ARHGEF28: variants seen among roughly 807,000 people sequenced by gnomAD.
ARHGEF28 encodes the protein Rho guanine nucleotide exchange factor 28, also known as 190 kDa guanine nucleotide exchange factor.
A neutral mutation model predicts 206.6 loss-of-function variants in ARHGEF28; 152 were observed. The ratio of observed to expected loss-of-function variants is 0.74; its 90% confidence interval spans 0.64 to 0.84. ARHGEF28 has a LOEUF of 0.84. ARHGEF28 is among the 40% of genes least tolerant of loss of function. The pLI is 0.00. For missense variants in ARHGEF28, 2,028 were observed against 2,073.2 expected (o/e 0.98, Z 0.42); for synonymous variants, 763 against 776.4 (o/e 0.98, Z 0.29).
rs1291620501 is a variant in ARHGEF28 at position 73,885,888 on chromosome 5, T to A, written c.3094T>A (p.Cys1032Ser). Residue 1032 changes from cysteine (C) to serine (S), a missense_variant, in exon 25 of 36, where the codon TGC becomes AGC. This residue lies in a region of ARHGEF28 where 223 missense variants were observed against 289.9 expected (regional missense o/e 0.77). Transcript: ENST00000513042. Reference protein sequence around the residue: ...EEHKDLRKALCLIKDMIATVD... With the variant: ...EEHKDLRKALSLIKDMIATVD... ...ACATAAAGACTTACGCAAAGCGCTT[T>A]GCTTAATTAAAGACATGATTGCAAC... 1 of 1,613,534 alleles carries A rather than the reference T, an allele frequency of 6.2e-7. No homozygotes were observed.
At position 73,852,754 on chromosome 5, in the gene ARHGEF28, A is replaced by G. The variant is rs959814076; in HGVS notation, c.1790+62A>G. 9 of 1,550,058 alleles carry G rather than the reference A, an allele frequency of 5.8e-6. No homozygotes were observed. The East Asian group carries it at 9.0e-5, about 15-fold the overall frequency. ...ATGATCCTTCTTTGGAAATGTCCACACATCATTTTTGCTATCTGTTCACTA... is the reference window on the plus strand; with the variant it reads ...ATGATCCTTCTTTGGAAATGTCCACGCATCATTTTTGCTATCTGTTCACTA... On this transcript the variant is annotated intron_variant, in intron 14 of 35. Transcript: ENST00000513042.
intron 22 of ARHGEF28, among the ~76,000 whole-genome samples, chr5:73,880,096 C>A (rs4469184): frequency 6.6e-6 from 1 of 152,052 alleles, no homozygotes; most frequent in Non-Finnish European, 1.5e-5. Flanking sequence ...GGAGCTTCCC[C>A]GCTGCTTTGT....
intron 2 of ARHGEF28, among the ~76,000 whole-genome samples, chr5:73,717,004 A>G (rs1373268712): frequency 6.6e-6 from 1 of 152,100 alleles, no homozygotes; most frequent in Non-Finnish European, 1.5e-5. Context: ...AATATCCTTG[A>G]AATGTATTCT....
chr5:73,684,645 A>G (rs2112248549), intron 1 of ARHGEF28, among the ~76,000 whole-genome samples, 196 bp from the exon 2 acceptor site: 1 of 152,316 alleles, frequency 6.6e-6, no homozygotes, highest in African/African-American at 2.4e-5. Context: ...TTGAGGGGCC[A>G]TCATATTGTG....
At chr5:73,783,386 ATG>A (rs370021440) in intron 7 of ARHGEF28, among the ~76,000 whole-genome samples, 5 of 38,760 alleles carry the variant, frequency 1.3e-4, no homozygotes, top group Non-Finnish European at 2.8e-4. Flanking sequence ...GTGTGTGTGT[ATG>A]TGTGTGTGTG....
intron 2 of ARHGEF28, among the ~76,000 whole-genome samples, chr5:73,704,468 A>T (rs1327276859): frequency 6.6e-6 from 1 of 152,134 alleles, no homozygotes; most frequent in Non-Finnish European, 1.5e-5. Flanking sequence ...TCTGTCACCC[A>T]GGCTGGAGTG....
intron 9 of ARHGEF28, among the ~76,000 whole-genome samples, chr5:73,811,553 C>T (rs534119238): frequency 1.0e-3 from 154 of 152,308 alleles, no homozygotes; most frequent in African/African-American, 3.4e-3. Context: ...TGTAAATGCT[C>T]TTCCACAAGA....
intron 35 of ARHGEF28, among the ~76,000 whole-genome samples, chr5:73,914,742 G>A (rs1763111329): frequency 6.6e-6 from 1 of 150,552 alleles, no homozygotes; most frequent in South Asian, 2.1e-4. Context: ...TACTTTTTTT[G>A]AGATTGAGAG....
chr5:73,888,120 C>T (rs1761412763), intron 26 of ARHGEF28, among the ~76,000 whole-genome samples: 1 of 152,200 alleles, frequency 6.6e-6, no homozygotes. Context: ...TCTTCCAGCA[C>T]CTGGCTTTCT....
Position 73,907,472 on chromosome 5 carries a change from T to G in ARHGEF28, c.4162-1940T>G, listed in dbSNP as rs569516061. Reference sequence around the variant, plus strand: ...GCCATGGGCTTTGAAAGATTTCTGTTCATGGCACAGTCGTCTTTTTTGAAG... The same window carrying G: ...GCCATGGGCTTTGAAAGATTTCTGTGCATGGCACAGTCGTCTTTTTTGAAG... On this transcript the variant is annotated intron_variant, in intron 33 of 35. Transcript: ENST00000513042. 1.8e-4 allele frequency among the ~76,000 whole-genome samples: 28 copies of G among 152,366 alleles called. 1 individual carries two copies. Among genetic ancestry groups the G allele is most frequent in the African/African-American group, 6.5e-4 (27 of 41,590 alleles).
At position 73,892,307 on chromosome 5, in the gene ARHGEF28, C is replaced by A. The variant is rs1761690356; in HGVS notation, c.3566+77C>A. The stretch of plus-strand genomic sequence containing the variant: ...AAAATATTCTAACCATGTCTTCCTG[C>A]ATGAAAACTTTGCCTCTGCCAGAAT... On this transcript the variant is annotated intron_variant, in intron 27 of 35. Coordinates refer to ENST00000513042, the MANE Select transcript of ARHGEF28 (RefSeq NM_001177693.2). 1.2e-5 allele frequency: 18 copies of A among 1,471,428 alleles called. No homozygotes were observed. In the South Asian group the frequency reaches 2.5e-4, roughly 20 times the overall value. The allele number at this position is 1,471,428 out of a possible 1,614,324, so 91.1% of individuals were successfully genotyped here.
intron 9 of ARHGEF28, among the ~76,000 whole-genome samples, chr5:73,814,930 T>A (rs1186536912): frequency 6.6e-6 from 1 of 152,244 alleles, no homozygotes; most frequent in Non-Finnish European, 1.5e-5. Flanking sequence ...GTTGCTCAGC[T>A]GCCATCCTTT....
intron 35 of ARHGEF28, among the ~76,000 whole-genome samples, chr5:73,938,712 T>C (rs112728404): frequency 2.2e-4 from 33 of 152,190 alleles, no homozygotes; most frequent in African/African-American, 7.5e-4. Context: ...AGTCTATGGC[T>C]GGGAAAAGGA....
intron 9 of ARHGEF28, among the ~76,000 whole-genome samples, chr5:73,813,840 T>G (rs1756005122): frequency 6.6e-6 from 1 of 151,924 alleles, no homozygotes; most frequent in Admixed American, 6.6e-5. Flanking sequence ...GCAAACCTAC[T>G]AATTCTTCTT....
At chr5:73,882,381 T>G (rs1045428072) in intron 22 of ARHGEF28, 91 bp from the exon 23 acceptor site, 167 of 915,666 alleles carry the variant, frequency 1.8e-4, no homozygotes, top group Middle Eastern at 1.4e-3. Flanking sequence ...TATTTGCAAA[T>G]ACTATTTTGA....
At chr5:73,671,110 A>G (rs1459281985) in intron 1 of ARHGEF28, among the ~76,000 whole-genome samples, 1 of 152,200 alleles carries the variant, frequency 6.6e-6, no homozygotes, top group Non-Finnish European at 1.5e-5. Flanking sequence ...CATGGCCTCT[A>G]TAAAGTTTGT....
chr5:73,707,499 CA>C (rs1389036832), intron 2 of ARHGEF28, among the ~76,000 whole-genome samples: 1 of 152,158 alleles, frequency 6.6e-6, no homozygotes, highest in Middle Eastern at 3.2e-3. Context: ...TTCCAAAGAG[CA>C]GGCCTATAAA....
chr5:73,743,142 C>G (rs1751536373), intron 2 of ARHGEF28, among the ~76,000 whole-genome samples: 1 of 152,140 alleles, frequency 6.6e-6, no homozygotes, highest in African/African-American at 2.4e-5. Context: ...TCTTGAGTAA[C>G]TTCCTTCAGT....
At chr5:73,631,143 C>T (rs192843059) in intron 1 of ARHGEF28, among the ~76,000 whole-genome samples, 5 of 152,222 alleles carry the variant, frequency 3.3e-5, no homozygotes, top group African/African-American at 1.2e-4. Context: ...GACAAGTGGG[C>T]TGACTGTTTA....
Sources: allele counts gnomAD v4.1 joint callset (sites outside exome capture counted in the v4.1 genomes callset), GRCh38; gene constraint gnomAD v4.1.1; regional missense constraint gnomAD v4.1.1; transcripts MANE v1.5; gene names NCBI Gene and HGNC (gene_info 2026-07-23, HGNC 2026-07-21).